FAM161A: variants seen among roughly 807,000 people sequenced by gnomAD.
FAM161A encodes the protein FAM161 centrosomal protein A.
In FAM161A, 57 loss-of-function variants were observed where a neutral mutation model predicts 70.9. The observed-to-expected ratio is 0.80, with a 90% CI of 0.65 to 1.00. The LOEUF (loss-of-function observed/expected upper bound fraction) is 1.00. Ranked by LOEUF, FAM161A falls within the 50% of genes least tolerant of loss-of-function variation. The probability of loss-of-function intolerance (pLI) is 0.00; values close to 1 mark genes in which losing one functional copy is unlikely to be tolerated. For synonymous variants in FAM161A, 299 were observed against 295.7 expected, an observed-to-expected ratio of 1.01 and a Z score of -0.12; for missense variants, 880 against 836.0, an observed-to-expected ratio of 1.05 and a Z score of -0.65.
At chr2:61,835,756 T>G (rs567476185) in intron 5 of FAM161A, 1 of 444,986 alleles carries the variant, frequency 2.2e-6, no homozygotes, top group African/African-American at 2.0e-5. Flanking sequence ...ACCAAAACTC[T>G]TGGGCTCAAG....
the FAM161A span, among the ~76,000 whole-genome samples, chr2:61,809,620 G>A: frequency 6.6e-6 from 1 of 152,154 alleles, no homozygotes; most frequent in African/African-American, 2.4e-5. Flanking sequence ...TGGGGGAGAT[G>A]GGTAGGTTGT....
the FAM161A span, among the ~76,000 whole-genome samples, chr2:61,808,936 G>C: frequency 6.7e-6 from 1 of 150,296 alleles, no homozygotes; most frequent in African/African-American, 2.5e-5. Flanking sequence ...GCAGTGGTGT[G>C]ATCTCGGCTC....
At chr2:61,843,344 C>G (rs2105088967) in intron 1 of FAM161A, among the ~76,000 whole-genome samples, 1 of 152,278 alleles carries the variant, frequency 6.6e-6, no homozygotes, top group African/African-American at 2.4e-5. Flanking sequence ...CCAGACTGGT[C>G]TTGAATTCTT....
chr2:61,842,938 G>A (rs1027483150), intron 1 of FAM161A, among the ~76,000 whole-genome samples: 4 of 152,200 alleles, frequency 2.6e-5, no homozygotes, highest in African/African-American at 9.7e-5. Context: ...GGGAGTAAGA[G>A]GACATGGGAG....
chr2:61,853,934 T>C lies in FAM161A; in HGVS notation c.108A>G (p.Leu36=), dbSNP rs1673587088. The C allele has an allele frequency of 2.5e-6, 4 of 1,613,860 alleles. No homozygotes were observed. The highest frequency in any genetic ancestry group is 3.4e-6 in the Non-Finnish European group (4 of 1,179,808). The change falls in exon 1 of 7, where the codon TTA becomes TTG. Residue 36 remains leucine, a synonymous_variant. Coordinates refer to ENST00000404929, the MANE Select transcript of FAM161A (RefSeq NM_001201543.2). The part of the protein sequence containing the change: ...RVAQYEREDP[L]KALAAAEAIL... ...TCGCCTCCGCTGCCGCCAGGGCCTT[T>C]AAGGGGTCTTCGCGTTCGTACTGGG...
chr2:61,830,652 C>A (rs1672533594), intron 5 of FAM161A, among the ~76,000 whole-genome samples: 2 of 137,714 alleles, frequency 1.5e-5, no homozygotes, highest in South Asian at 2.3e-4. Context: ...CCACTGCACT[C>A]CAGCCTGGGT....
At chr2:61,838,745 A>G in intron 3 of FAM161A, 40 bp from the exon 4 acceptor site, 2 of 1,408,934 alleles carry the variant, frequency 1.4e-6, no homozygotes, top group Non-Finnish European at 1.9e-6. Context: ...CTTTAAGCCA[A>G]TCAGAATGTT....
chr2:61,852,508 G>A (rs1415002210), intron 1 of FAM161A, among the ~76,000 whole-genome samples: 1 of 152,214 alleles, frequency 6.6e-6, no homozygotes, highest in African/African-American at 2.4e-5. Flanking sequence ...AGGAAACTGA[G>A]GTTTAAGGAA....
chr2:61,835,605 G>C (rs551393005), intron 5 of FAM161A: 8 of 163,710 alleles, frequency 4.9e-5, no homozygotes, highest in African/African-American at 1.9e-4. Flanking sequence ...AAAAAGACCA[G>C]CCATTAGAAA....
chr2:61,803,120 C>G, the FAM161A span: 1 of 430,360 alleles, frequency 2.3e-6, no homozygotes, highest in Non-Finnish European at 4.4e-6. Flanking sequence ...CTAGAAAGTT[C>G]ATGACTACTT....
the FAM161A span, among the ~76,000 whole-genome samples, chr2:61,816,727 A>G: frequency 1.3e-5 from 2 of 152,144 alleles, no homozygotes; most frequent in Non-Finnish European, 2.9e-5. Flanking sequence ...TCGGCCTCCC[A>G]AAGTGCTAGG....
chr2:61,816,144 G>A, the FAM161A span, among the ~76,000 whole-genome samples: 5 of 152,064 alleles, frequency 3.3e-5, no homozygotes, highest in South Asian at 2.1e-4. Context: ...CTCCATTGAC[G>A]TTGGCTTTCT....
In FAM161A at chr2:61,840,271, T is replaced by C. The variant is rs1672966785; in HGVS notation, c.733A>G (p.Met245Val). ...TCTTTTTTCTTCTGTTCTCTTATCA[T>C]CATTTGAAAAGGCTCCGGTACTGTA... ...TITVPEPFQM[M>V]IREQKKKEES... Residue 245 changes from methionine (M) to valine (V), a missense_variant, in exon 3 of 7, where the codon ATG (methionine) becomes GTG (valine). Coordinates refer to ENST00000404929, the MANE Select transcript of FAM161A (RefSeq NM_001201543.2). 6.2e-7 allele frequency: 1 copy of C among 1,614,168 alleles called. No homozygotes were observed. Among genetic ancestry groups the C allele is most frequent in the Non-Finnish European group, 8.5e-7 (1 of 1,180,040 alleles).
rs949778232 is a variant in FAM161A at position 61,837,507 on chromosome 2, G to A, written c.1751+1031C>T. Among the ~76,000 whole-genome samples, 31 of 152,246 alleles carry A rather than the reference G, an allele frequency of 2.0e-4. No homozygotes were observed. The South Asian group carries it at 3.3e-3, about 16-fold the overall frequency. On this transcript the variant is annotated intron_variant, in intron 4 of 6. Transcript: ENST00000404929. The stretch of plus-strand genomic sequence containing the variant: ...CTATTGTCCAGGCACGGTGGCTCAC[G>A]CCTGTAATCCCAGCACTTTGGGAGG...
the FAM161A span, among the ~76,000 whole-genome samples, chr2:61,814,168 G>A: frequency 2.0e-4 from 31 of 152,294 alleles, no homozygotes; most frequent in African/African-American, 7.5e-4. Flanking sequence ...TCACCTACCA[G>A]TGAGAAAATT....
chr2:61,811,928 T>C, the FAM161A span, among the ~76,000 whole-genome samples: 1 of 152,188 alleles, frequency 6.6e-6, no homozygotes, highest in Non-Finnish European at 1.5e-5. Flanking sequence ...GAATCTGCTA[T>C]TTTTCTGACT....
At chr2:61,812,746 A>AAACAAC in the FAM161A span, among the ~76,000 whole-genome samples, 1 of 151,420 alleles carries the variant, frequency 6.6e-6, no homozygotes, top group Non-Finnish European at 1.5e-5. Context: ...AACAAAAACA[A>AAACAAC]AACAACAACA....
the FAM161A span, among the ~76,000 whole-genome samples, chr2:61,815,830 C>T: frequency 3.3e-5 from 5 of 151,876 alleles, no homozygotes; most frequent in Admixed American, 6.6e-5. Flanking sequence ...GGATTACAGG[C>T]GTGAGCCACC....
rs998407229 is a variant in FAM161A at position 61,826,279 on chromosome 2, C to T, written c.*176G>A. On this transcript the variant is annotated 3_prime_UTR_variant, in exon 7 of 7. Transcript: ENST00000404929. ...AAAACTGAATAGGCAAAGCCTTACTCTAACTGATCAAATGACCAATCAGCT... is the reference window on the plus strand; with the variant it reads ...AAAACTGAATAGGCAAAGCCTTACTTTAACTGATCAAATGACCAATCAGCT... 4.1e-6 allele frequency: 3 copies of T among 731,256 alleles called. No individual in the cohort carries two copies. Among genetic ancestry groups the T allele is most frequent in the Admixed American group, 2.0e-5 (1 of 49,892 alleles). 45.3% of individuals were successfully genotyped at this position (731,256 alleles called of 1,614,324 possible).
Sources: gnomAD v4.1 joint callset for allele counts (sites outside exome capture counted in the v4.1 genomes callset) on GRCh38, gnomAD v4.1.1 for gene constraint, MANE v1.5 for transcripts, NCBI Gene and HGNC (gene_info 2026-07-23, HGNC 2026-07-21) for gene names.